ATP2B2: variants seen among roughly 807,000 people sequenced by gnomAD.
ATP2B2 encodes ATPase plasma membrane Ca2+ transporting 2.
Under a neutral mutation model 120.0 loss-of-function variants are expected in ATP2B2, and 15 were observed. That is an observed-to-expected ratio of 0.12 (90% CI 0.08 to 0.19). The LOEUF (loss-of-function observed/expected upper bound fraction) is 0.19. Ranked by LOEUF, ATP2B2 falls within the 10% of genes least tolerant of loss-of-function variation. The pLI, the probability that ATP2B2 is intolerant of heterozygous loss-of-function variation, is 1.00. For missense variants in ATP2B2, 1,045 were observed against 1,719.8 expected (o/e 0.61, Z 6.94); for synonymous variants, 694 against 700.3 (o/e 0.99, Z 0.14).
chr3:10,632,886 T>C (rs2069907902), intron 1 of ATP2B2, among the ~76,000 whole-genome samples: 1 of 152,220 alleles, frequency 6.6e-6, no homozygotes, highest in South Asian at 2.1e-4. Flanking sequence ...CCCTGGTGGC[T>C]GTCCTGCTCT....
intron 2 of ATP2B2, among the ~76,000 whole-genome samples, chr3:10,434,111 G>A (rs149531057): frequency 1.8e-4 from 28 of 152,368 alleles, no homozygotes; most frequent in African/African-American, 6.7e-4. Flanking sequence ...TACCCCACTA[G>A]GGGATGTGCC....
chr3:10,645,045 G>A (rs1459088164), intron 1 of ATP2B2, among the ~76,000 whole-genome samples: 1 of 152,154 alleles, frequency 6.6e-6, no homozygotes, highest in African/African-American at 2.4e-5. Context: ...TATGTTGAAT[G>A]CAAGTTATTC....
chr3:10,500,440 T>C (rs1010260147), intron 1 of ATP2B2, among the ~76,000 whole-genome samples: 1 of 151,896 alleles, frequency 6.6e-6, no homozygotes, highest in Admixed American at 6.5e-5. Flanking sequence ...TGTTTGGAAA[T>C]AGGATCTTTG....
intron 14 of ATP2B2, among the ~76,000 whole-genome samples, chr3:10,351,223 A>G (rs2060569148): frequency 6.6e-6 from 1 of 152,186 alleles, no homozygotes. Context: ...GCCAATCAGA[A>G]GGCACAAGGC....
At chr3:10,664,772 G>A (rs1257352869) in intron 1 of ATP2B2, among the ~76,000 whole-genome samples, 3 of 152,306 alleles carry the variant, frequency 2.0e-5, no homozygotes, top group South Asian at 4.2e-4. Flanking sequence ...GAAGGCAATA[G>A]AGAAAGCCAC....
intron 2 of ATP2B2, among the ~76,000 whole-genome samples, chr3:10,415,890 A>G (rs1018374601): frequency 2.0e-5 from 3 of 152,198 alleles, no homozygotes; most frequent in Non-Finnish European, 4.4e-5. Flanking sequence ...GTGTAATTAT[A>G]AGCAGAGGTC....
chr3:10,379,285 C>T lies in ATP2B2; in HGVS notation c.1001-1G>A, dbSNP rs141202449. 107 of 1,614,058 alleles carry T rather than the reference C, an allele frequency of 6.6e-5. No individual in the cohort carries two copies. The highest frequency in any genetic ancestry group is 8.3e-5 in the Non-Finnish European group (98 of 1,180,000). On this transcript the variant is annotated splice_acceptor_variant, in intron 8 of 22. Coordinates refer to ENST00000360273, the MANE Select transcript of ATP2B2 (RefSeq NM_001001331.4). LOFTEE classifies it high-confidence loss of function. ...TCCACATTGCCATCCTGCATTTTAC[C>T]TACACGACAAAGAATTTTAACAGAC...
intron 1 of ATP2B2, among the ~76,000 whole-genome samples, chr3:10,451,608 G>A (rs907630834): frequency 3.9e-5 from 6 of 152,200 alleles, no homozygotes; most frequent in Non-Finnish European, 7.3e-5. Context: ...GATGCAGTAG[G>A]AAGATTATTT....
At chr3:10,398,172 G>A (rs529876651) in intron 5 of ATP2B2, among the ~76,000 whole-genome samples, 35 of 152,234 alleles carry the variant, frequency 2.3e-4, no homozygotes, top group African/African-American at 7.7e-4. Context: ...TTTGCACATT[G>A]CAACAGGATA....
chr3:10,483,637 C>G (rs552282733), intron 1 of ATP2B2, among the ~76,000 whole-genome samples: 2 of 152,162 alleles, frequency 1.3e-5, no homozygotes, highest in African/African-American at 4.8e-5. Context: ...GCTGCTCTGT[C>G]CCCTGCCTGG....
chr3:10,431,978 C>T (rs1054823921), intron 2 of ATP2B2, among the ~76,000 whole-genome samples: 4 of 152,170 alleles, frequency 2.6e-5, no homozygotes, highest in African/African-American at 4.8e-5. Context: ...TCATCACTCC[C>T]GGCACTTTTC....
intron 3 of ATP2B2, among the ~76,000 whole-genome samples, chr3:10,517,055 G>T (rs1269377569): frequency 6.6e-6 from 1 of 152,128 alleles, no homozygotes; most frequent in African/African-American, 2.4e-5. Flanking sequence ...TTCCTTGCCT[G>T]CTCTGCTAAA....
At chr3:10,695,810 T>C (rs1423967683) in intron 1 of ATP2B2, among the ~76,000 whole-genome samples, 1 of 152,204 alleles carries the variant, frequency 6.6e-6, no homozygotes, top group Non-Finnish European at 1.5e-5. Flanking sequence ...CTGGAGCAGT[T>C]TGTCACATAG....
chr3:10,366,448 C>T (rs1197580610), intron 12 of ATP2B2, among the ~76,000 whole-genome samples: 2 of 152,194 alleles, frequency 1.3e-5, no homozygotes, highest in Non-Finnish European at 2.9e-5. Context: ...GGGAATCCTT[C>T]CTTCAGAACC....
chr3:10,565,883 G>A (rs1171142251), intron 2 of ATP2B2, among the ~76,000 whole-genome samples: 1 of 152,106 alleles, frequency 6.6e-6, no homozygotes, highest in Non-Finnish European at 1.5e-5. Flanking sequence ...AAAACTCTCT[G>A]TGCCTCATCA....
chr3:10,609,162 G>A (rs1283880719), intron 2 of ATP2B2, among the ~76,000 whole-genome samples: 2 of 152,174 alleles, frequency 1.3e-5, no homozygotes, highest in Non-Finnish European at 2.9e-5. Context: ...AGGACCCCGT[G>A]GCTCTACTGC....
intron 3 of ATP2B2, among the ~76,000 whole-genome samples, chr3:10,406,534 C>G (rs2062418032): frequency 6.6e-6 from 1 of 152,214 alleles, no homozygotes; most frequent in Non-Finnish European, 1.5e-5. Flanking sequence ...AGGATTCAGT[C>G]TGGTCACATG....
chr3:10,374,027 G>A (rs188966810), intron 11 of ATP2B2, among the ~76,000 whole-genome samples: 1 of 152,294 alleles, frequency 6.6e-6, no homozygotes, highest in African/African-American at 2.4e-5. Context: ...GTGTTGGGGT[G>A]CTCTCCTAAG....
intron 2 of ATP2B2, among the ~76,000 whole-genome samples, chr3:10,432,168 G>A (rs2063335919): frequency 6.6e-6 from 1 of 152,252 alleles, no homozygotes; most frequent in Non-Finnish European, 1.5e-5. Flanking sequence ...ACCTGTCAGT[G>A]CATGGCCTCG....
Sources: allele counts gnomAD v4.1 joint callset (sites outside exome capture counted in the v4.1 genomes callset), GRCh38; gene constraint gnomAD v4.1.1; transcripts MANE v1.5; gene names NCBI Gene and HGNC (gene_info 2026-07-23, HGNC 2026-07-21).